The following MGST1 variants were observed in gnomAD, a reference collection of about 807,000 sequenced individuals.
MGST1 encodes the protein glutathione S-transferase 12.
A neutral mutation model predicts 8.9 loss-of-function variants in MGST1; 5 were observed. The ratio of observed to expected loss-of-function variants is 0.56; its 90% CI spans 0.29 to 1.19. The LOEUF (loss-of-function observed/expected upper bound fraction) is 1.19, where lower values mean the gene tolerates loss of function less well. MGST1 is among the 50% of genes most tolerant of loss of function. MGST1 has a pLI of 0.08. For synonymous variants in MGST1, 54 were observed against 67.8 expected, an observed-to-expected ratio of 0.80 and a Z score of 1.00; for missense variants, 182 against 187.4, an observed-to-expected ratio of 0.97 and a Z score of 0.17.
At chr12:16,460,529 C>T (rs1036169217) in intron 4 of MGST1, among the ~76,000 whole-genome samples, 2 of 151,832 alleles carry the variant, frequency 1.3e-5, no homozygotes, top group Admixed American at 1.3e-4. Context: ...CAGGCATCCT[C>T]CTCTGAGTAC....
In MGST1 at chr12:16,586,533, T is replaced by C. The variant is rs2137581154; in HGVS notation, n.483-2995T>C. ...ACAGAAAAAAATCTGTTGTATAATA[T>C]TGTCAGATTCAGGCCAACTGAATTC... On this transcript the variant is annotated intron_variant and non_coding_transcript_variant, in intron 4 of 4. Transcript: ENST00000538857. The surrounding 1 kb of genome is among the most constrained non-coding windows in gnomAD (Gnocchi z 4.3). Among the ~76,000 whole-genome samples, 1 of 152,284 alleles carries C rather than the reference T, an allele frequency of 6.6e-6. No individual in the cohort carries two copies.
chr12:16,401,106 C>T lies in MGST1; in HGVS notation n.778+17502C>T, dbSNP rs879232846. On this transcript the variant is annotated intron_variant and non_coding_transcript_variant, in intron 1 of 1. Transcript: ENST00000359720. The surrounding 1 kb of genome is among the most constrained non-coding windows in gnomAD (Gnocchi z 4.3). ...CTGCCTCATCTTTCTCCTCCTCCTCCTTTTCCTCATCTTCGTTCCTTAGGA... is the reference window on the plus strand; with the variant it reads ...CTGCCTCATCTTTCTCCTCCTCCTCTTTTTCCTCATCTTCGTTCCTTAGGA... 2 of 1,582,572 alleles carry T rather than the reference C, an allele frequency of 1.3e-6. No homozygotes were observed. The highest frequency in any genetic ancestry group is 1.1e-5 in the South Asian group (1 of 90,402).
chr12:16,348,488 T>C (rs1294336488), intron 1 of MGST1, among the ~76,000 whole-genome samples: 1 of 152,174 alleles, frequency 6.6e-6, no homozygotes. Flanking sequence ...GGAGTGCATG[T>C]AAATCTTCTA....
intron 1 of MGST1, among the ~76,000 whole-genome samples, chr12:16,403,425 C>T (rs1940676090): frequency 6.6e-6 from 1 of 151,978 alleles, no homozygotes; most frequent in Non-Finnish European, 1.5e-5. Context: ...ATTGTATAGT[C>T]AATTTTGCAA....
intron 4 of MGST1, among the ~76,000 whole-genome samples, chr12:16,532,774 G>A (rs894726387): frequency 6.6e-6 from 1 of 152,020 alleles, no homozygotes; most frequent in Non-Finnish European, 1.5e-5. Context: ...TGACAAATCT[G>A]CTGTTTCATG....
chr12:16,551,089 T>C, intron 4 of MGST1: 1 of 599,734 alleles, frequency 1.7e-6, no homozygotes, highest in Middle Eastern at 2.7e-4. Context: ...CCGCCTTTTA[T>C]TCCATATAAC....
At chr12:16,442,553 C>A (rs1425818776), downstream of MGST1, among the ~76,000 whole-genome samples, 1 of 151,710 alleles carries the variant, frequency 6.6e-6, no homozygotes, top group Non-Finnish European at 1.5e-5. This position sits in a 1 kb window ranked among gnomAD's most constrained non-coding sequence, Gnocchi z 4.5. Context: ...TGTTCCAGAA[C>A]TTTGTGTCGA....
At position 16,457,619 on chromosome 12, in the gene MGST1, G is replaced by A. The variant is rs79651050; in HGVS notation, n.482+74015G>A. ...GGCAGCAGGAGATTTTCATTGATTA[G>A]TTTCTCTCTATTTGCTTTTTCTTTC... On this transcript the variant is annotated intron_variant and non_coding_transcript_variant, in intron 4 of 4. Transcript: ENST00000538857. Among the ~76,000 whole-genome samples the A allele has an allele frequency of 9.1e-3, 1,386 of 151,928 alleles. 79 individuals carry two copies. In the East Asian group the frequency reaches 0.17, roughly 19 times the overall value.
intron 4 of MGST1, chr12:16,551,343 AC>A: frequency 6.9e-7 from 1 of 1,451,798 alleles, no homozygotes; most frequent in Non-Finnish European, 9.7e-7. Context: ...AATATTTTAA[AC>A]AATAAAATGT....
At chr12:16,488,372 C>G (rs1284847963) in intron 4 of MGST1, among the ~76,000 whole-genome samples, 1 of 152,160 alleles carries the variant, frequency 6.6e-6, no homozygotes, top group Non-Finnish European at 1.5e-5. Flanking sequence ...TCTCCCCTCT[C>G]TGCACTAGAT....
chr12:16,420,908 C>T (rs2137083724), intron 1 of MGST1, among the ~76,000 whole-genome samples: 1 of 152,244 alleles, frequency 6.6e-6, no homozygotes, highest in East Asian at 1.9e-4. Context: ...AACAGCTCCT[C>T]CGGCATTCGG....
chr12:16,357,981 G>A (rs1450495783), intron 3 of MGST1, among the ~76,000 whole-genome samples: 1 of 152,170 alleles, frequency 6.6e-6, no homozygotes, highest in Non-Finnish European at 1.5e-5. Flanking sequence ...GGTAAAATGG[G>A]AACAGTAGAT....
At chr12:16,469,498 T>TATATA (rs1199146795) in intron 4 of MGST1, among the ~76,000 whole-genome samples, 2 of 152,156 alleles carry the variant, frequency 1.3e-5, no homozygotes. Context: ...CATAATGCTC[T>TATATA]ATCCTATAGA....
intron 4 of MGST1, among the ~76,000 whole-genome samples, chr12:16,507,760 C>T (rs1941548723): frequency 6.6e-6 from 1 of 152,000 alleles, no homozygotes; most frequent in Non-Finnish European, 1.5e-5. Context: ...CGTGAGAACT[C>T]ACTCAATATC....
chr12:16,380,778 A>G (rs1235248505), downstream of MGST1, among the ~76,000 whole-genome samples: 2 of 152,128 alleles, frequency 1.3e-5, no homozygotes, highest in Non-Finnish European at 2.9e-5. Flanking sequence ...GTGGGAGTCT[A>G]AGTCTCTTTG....
Position 16,471,639 on chromosome 12 carries a change from C to T in MGST1, n.482+88035C>T, listed in dbSNP as rs889473333. The stretch of plus-strand genomic sequence containing the variant: ...TTGTACTTCAAAGCCCAGAAAAAAA[C>T]ATATTTACTACAAAAGTTCAGCTTG... On this transcript the variant is annotated intron_variant and non_coding_transcript_variant, in intron 4 of 4. Coordinates refer to the MGST1 transcript ENST00000538857. 4.6e-5 allele frequency among the ~76,000 whole-genome samples: 7 copies of T among 152,178 alleles called. No individual in the cohort carries two copies. The South Asian group carries it at 8.3e-4, about 18-fold the overall frequency.
intron 1 of MGST1, among the ~76,000 whole-genome samples, chr12:16,426,508 C>A (rs1049681382): frequency 3.9e-5 from 6 of 152,134 alleles, no homozygotes; most frequent in Non-Finnish European, 5.9e-5. Context: ...TGCATTCATT[C>A]ATTCACTTCC....
chr12:16,568,493 A>G (rs1942696067), intron 4 of MGST1, among the ~76,000 whole-genome samples: 1 of 152,216 alleles, frequency 6.6e-6, no homozygotes, highest in African/African-American at 2.4e-5. Context: ...CCAGCATTTT[A>G]GCCACCAGCC....
intron 4 of MGST1, among the ~76,000 whole-genome samples, chr12:16,489,288 G>A (rs1941421729): frequency 6.6e-6 from 1 of 151,900 alleles, no homozygotes; most frequent in Admixed American, 6.6e-5. Context: ...TATGATTTCT[G>A]TTTTAAGATC....
Sources: allele counts gnomAD v4.1 joint callset (sites outside exome capture counted in the v4.1 genomes callset), GRCh38; gene constraint gnomAD v4.1.1; non-coding constraint Gnocchi (gnomAD v3.1); transcripts MANE v1.5; gene names NCBI Gene and HGNC (gene_info 2026-07-23, HGNC 2026-07-21).